SLC9A9: variants seen among roughly 807,000 people sequenced by gnomAD.
The protein encoded by SLC9A9 is sodium/hydrogen exchanger 9.
A neutral mutation model predicts 77.8 loss-of-function variants in SLC9A9; 62 were observed. The ratio of observed to expected loss-of-function variants is 0.80; its 90% confidence interval spans 0.65 to 0.98. The LOEUF is 0.98. Ranked by LOEUF, SLC9A9 falls within the 50% of genes least tolerant of loss-of-function variation. The probability of loss-of-function intolerance (pLI) is 0.00; values close to 1 mark genes in which losing one functional copy is unlikely to be tolerated. For missense variants in SLC9A9, 775 were observed against 774.9 expected (o/e 1.00, Z 0.00); for synonymous variants, 320 against 283.5 (o/e 1.13, Z -1.29).
intron 9 of SLC9A9, chr3:143,517,411 C>G: frequency 6.4e-7 from 1 of 1,551,748 alleles, no homozygotes; most frequent in African/African-American, 1.4e-5. Flanking sequence ...GTGCTCCTGA[C>G]TGTCGTCTGG....
At chr3:143,792,327 T>C (rs1372480799) in intron 4 of SLC9A9, among the ~76,000 whole-genome samples, 1 of 152,242 alleles carries the variant, frequency 6.6e-6, no homozygotes, top group African/African-American at 2.4e-5. Context: ...AATTTAAGTA[T>C]GTGCCCTCTT....
rs185320467 is a variant in SLC9A9, at chr3:143,788,844, C to T, written c.533+6157G>A. On this transcript the variant is annotated intron_variant, in intron 4 of 15. Coordinates refer to ENST00000316549, the MANE Select transcript of SLC9A9 (RefSeq NM_173653.4). Reference sequence around the variant, plus strand: ...TATGAAGAACATATAAAGAACTCTGCCAAATTAATGAAAATATGACAAGAC... The same window carrying T: ...TATGAAGAACATATAAAGAACTCTGTCAAATTAATGAAAATATGACAAGAC... 2.3e-3 allele frequency among the ~76,000 whole-genome samples: 344 copies of T among 151,250 alleles called. 1 individual carries two copies. Among genetic ancestry groups the T allele is most frequent in the African/African-American group, 8.1e-3 (334 of 41,194 alleles).
At chr3:143,769,000 C>G (rs529809136) in intron 4 of SLC9A9, among the ~76,000 whole-genome samples, 1 of 152,264 alleles carries the variant, frequency 6.6e-6, no homozygotes, top group Non-Finnish European at 1.5e-5. Flanking sequence ...TTTGCATTTG[C>G]TATCTTTGTG....
At chr3:143,777,256 C>G (rs1026924117) in intron 4 of SLC9A9, among the ~76,000 whole-genome samples, 1 of 152,094 alleles carries the variant, frequency 6.6e-6, no homozygotes, top group Non-Finnish European at 1.5e-5. Flanking sequence ...TAAACTTAGT[C>G]CACATGGAAA....
intron 8 of SLC9A9, among the ~76,000 whole-genome samples, chr3:143,571,068 G>C (rs1390314345): frequency 6.6e-6 from 1 of 152,124 alleles, no homozygotes; most frequent in Non-Finnish European, 1.5e-5. Context: ...GTGAAGTATG[G>C]GTAGGCGGCC....
intron 13 of SLC9A9, among the ~76,000 whole-genome samples, chr3:143,368,833 G>C (rs2032975953): frequency 6.6e-6 from 1 of 152,072 alleles, no homozygotes; most frequent in African/African-American, 2.4e-5. Context: ...AAGAATTCTG[G>C]GTTCTGAAGA....
chr3:143,804,346 C>A (rs1247267738), intron 2 of SLC9A9, among the ~76,000 whole-genome samples: 1 of 152,146 alleles, frequency 6.6e-6, no homozygotes, highest in African/African-American at 2.4e-5. Flanking sequence ...TTTACTTACC[C>A]CTAGCCCCGT....
intron 4 of SLC9A9, among the ~76,000 whole-genome samples, chr3:143,741,462 A>G (rs1371814434): frequency 1.3e-5 from 2 of 152,228 alleles, no homozygotes; most frequent in Non-Finnish European, 2.9e-5. Context: ...AAATTAATAA[A>G]TGGATGGTAA....
chr3:143,632,187 G>A lies in SLC9A9; in HGVS notation c.755+20068C>T, dbSNP rs113654132. ...ATCAGTGGCTGGCAAGTTCTTGAGAGTGTTTGCCCGAAAGGTAGAATACGA... is the reference window on the plus strand; with the variant it reads ...ATCAGTGGCTGGCAAGTTCTTGAGAATGTTTGCCCGAAAGGTAGAATACGA... On this transcript the variant is annotated intron_variant, in intron 6 of 15. Transcript: ENST00000316549. Among the ~76,000 whole-genome samples the A allele has an allele frequency of 7.6e-3, 1,160 of 152,294 alleles. 6 individuals are homozygous for A. The highest frequency in any genetic ancestry group is 0.012 in the Admixed American group (177 of 15,278).
At chr3:143,544,292 T>A (rs2108632640) in intron 9 of SLC9A9, among the ~76,000 whole-genome samples, 1 of 152,270 alleles carries the variant, frequency 6.6e-6, no homozygotes, top group South Asian at 2.1e-4. Flanking sequence ...AGTGGTGCGA[T>A]CTCGGTTCAC....
chr3:143,270,098 G>A (rs949182217), intron 14 of SLC9A9, among the ~76,000 whole-genome samples: 1 of 152,156 alleles, frequency 6.6e-6, no homozygotes, highest in Non-Finnish European at 1.5e-5. Flanking sequence ...GAGAGTGACT[G>A]GGAAGATGTT....
At chr3:143,843,769 T>C (rs954466896) in intron 1 of SLC9A9, among the ~76,000 whole-genome samples, 1 of 152,218 alleles carries the variant, frequency 6.6e-6, no homozygotes, top group Admixed American at 6.5e-5. Flanking sequence ...AGCAAATTTC[T>C]TTTATGAGCA....
intron 9 of SLC9A9, among the ~76,000 whole-genome samples, chr3:143,530,820 C>T (rs2036499134): frequency 6.6e-6 from 1 of 152,208 alleles, no homozygotes. Flanking sequence ...TTGGTGGCTA[C>T]TCTAACTGAA....
At chr3:143,803,371 C>A (rs535558877) in intron 2 of SLC9A9, among the ~76,000 whole-genome samples, 1 of 152,204 alleles carries the variant, frequency 6.6e-6, no homozygotes, top group Non-Finnish European at 1.5e-5. Context: ...CAGTCACCCC[C>A]ACTACTTGGG....
chr3:143,439,922 T>C (rs957930409), intron 12 of SLC9A9, among the ~76,000 whole-genome samples: 2 of 151,790 alleles, frequency 1.3e-5, no homozygotes, highest in African/African-American at 4.8e-5. Context: ...GGCCTTAAAA[T>C]GAAGCCCTCA....
intron 2 of SLC9A9, among the ~76,000 whole-genome samples, chr3:143,806,726 T>C (rs185857013): frequency 3.7e-4 from 54 of 144,838 alleles, no homozygotes; most frequent in African/African-American, 1.3e-3. Flanking sequence ...GGGAAGGGTA[T>C]TATGTGGTGG....
chr3:143,533,090 C>G (rs1267906937), intron 9 of SLC9A9, among the ~76,000 whole-genome samples: 2 of 152,220 alleles, frequency 1.3e-5, no homozygotes, highest in African/African-American at 4.8e-5. Flanking sequence ...CAGGCCTGTA[C>G]AGAGAACATT....
In SLC9A9 at chr3:143,796,918, A is replaced by G. The variant is rs2008401374; in HGVS notation, c.379-15T>C. On this transcript the variant is annotated splice_polypyrimidine_tract_variant and intron_variant, in intron 2 of 15. Transcript: ENST00000316549. The stretch of plus-strand genomic sequence containing the variant: ...TCAAATGTCATCTGCCAGAAAGGAA[A>G]AAAAGGATAGTTAGAATGATGCTCC... The G allele has an allele frequency of 1.2e-6, 2 of 1,601,958 alleles. No individual in the cohort carries two copies. Among genetic ancestry groups the G allele is most frequent in the African/African-American group, 2.7e-5 (2 of 74,774 alleles).
At chr3:143,794,259 A>G (rs911519793) in intron 4 of SLC9A9, among the ~76,000 whole-genome samples, 1 of 152,102 alleles carries the variant, frequency 6.6e-6, no homozygotes, top group African/African-American at 2.4e-5. Flanking sequence ...AAAATCAAGG[A>G]TAGAGTTGAC....
Sources: gnomAD v4.1 joint callset for allele counts (sites outside exome capture counted in the v4.1 genomes callset) on GRCh38, gnomAD v4.1.1 for gene constraint, MANE v1.5 for transcripts, NCBI Gene and HGNC (gene_info 2026-07-23, HGNC 2026-07-21) for gene names.